The following MRC1 variants were observed in gnomAD, a reference collection of about 807,000 sequenced individuals.
The protein encoded by MRC1 is mannose receptor C-type 1.
Under a neutral mutation model 102.9 loss-of-function variants are expected in MRC1, and 62 were observed. The ratio of observed to expected loss-of-function variants is 0.60; its 90% CI spans 0.49 to 0.74. The LOEUF is 0.74. Among genes scored for constraint, MRC1 ranks in the 30% least tolerant of loss-of-function variants. The probability of loss-of-function intolerance (pLI) is 0.00; values close to 1 mark genes in which losing one functional copy is unlikely to be tolerated. For missense variants in MRC1, 1,237 were observed against 862.8 expected (o/e 1.43, Z -5.43); for synonymous variants, 457 against 298.4 (o/e 1.53, Z -5.48).
intron 4 of MRC1, among the ~76,000 whole-genome samples, chr10:17,838,556 TAAAAA>T (rs140577655): frequency 6.8e-6 from 1 of 147,346 alleles, no homozygotes; most frequent in African/African-American, 2.5e-5. Context: ...GGACCTCAAT[TAAAAA>T]AAAAAAAAGA....
At chr10:17,826,760 T>C (rs1351732601) in intron 2 of MRC1, among the ~76,000 whole-genome samples, 1 of 152,236 alleles carries the variant, frequency 6.6e-6, no homozygotes, top group African/African-American at 2.4e-5. Context: ...ACATTTCTAG[T>C]TGAACCCAGA....
At chr10:17,897,983 G>T in intron 23 of MRC1, 51 bp from the exon 24 acceptor site, 1 of 780,514 alleles carries the variant, frequency 1.3e-6, no homozygotes, top group East Asian at 2.4e-5. Context: ...TACTGATAAG[G>T]CTCAATTACT....
intron 1 of MRC1, among the ~76,000 whole-genome samples, chr10:17,813,323 A>G (rs1016520732): frequency 2.6e-5 from 4 of 152,168 alleles, no homozygotes; most frequent in Non-Finnish European, 5.9e-5. Context: ...CATAGACATC[A>G]CGCTAATGGT....
chr10:17,880,916 T>G, intron 20 of MRC1, 151 bp from the exon 21 acceptor site: 1 of 700,792 alleles, frequency 1.4e-6, no homozygotes, highest in Non-Finnish European at 2.6e-6. Flanking sequence ...GTCATAAAAC[T>G]AACAATTTTT....
chr10:17,862,888 G>A (rs1833204948), intron 10 of MRC1: 2 of 152,158 alleles, frequency 1.3e-5, no homozygotes, highest in South Asian at 4.1e-4. Context: ...AGTTTTCAGT[G>A]CCTTGTCAAC....
chr10:17,867,392 CT>C (rs1833291552), intron 12 of MRC1, among the ~76,000 whole-genome samples: 1 of 140,700 alleles, frequency 7.1e-6, no homozygotes, highest in African/African-American at 2.9e-5. Flanking sequence ...TCTTCTCCTT[CT>C]TCTCCTTCTT....
At chr10:17,909,284 A>AT (rs546931770) in intron 28 of MRC1, 22 bp from the exon 29 acceptor site, 134,323 of 715,046 alleles carry the variant, frequency 0.19, 2,674 homozygotes, top group Non-Finnish European at 0.23. Flanking sequence ...GTTTTTATAA[A>AT]TTTTTTTTTT....
rs2130676160 is a variant in MRC1 at position 17,870,830 on chromosome 10, A to G, written c.2112-18A>G. 11 of 872,174 alleles carry G rather than the reference A, an allele frequency of 1.3e-5. 1 individual carries two copies. Among genetic ancestry groups the G allele is most frequent in the South Asian group, 9.1e-5 (7 of 76,528 alleles). The allele number at this position is 872,174 out of a possible 1,614,324, so 54.0% of individuals were successfully genotyped here. A position where few individuals can be genotyped will look rare whatever the true frequency, so the allele number is the denominator to read the frequency against. On this transcript the variant is annotated intron_variant, in intron 13 of 29. Transcript: ENST00000569591. ...TCATGCAATAGCATATGCTTTCTTT[A>G]TGTTTTGGATTTCATAGAGCTAGTG...
In MRC1 at chr10:17,872,253, C is replaced by G. The variant is rs910421548; in HGVS notation, c.2344+127C>G. ...AAATCAGGAAACTGTCAGTGGCCAT[C>G]ATTGCATAGGATAAGCATGAAGTTG... On this transcript the variant is annotated intron_variant, in intron 15 of 29. Transcript: ENST00000569591. 223 of 768,740 alleles carry G rather than the reference C, an allele frequency of 2.9e-4. 1 individual carries two copies. In the African/African-American group the frequency reaches 3.3e-3, roughly 11 times the overall value. The allele number at this position is 768,740 out of a possible 1,614,324, so 47.6% of individuals were successfully genotyped here.
chr10:17,872,709 G>T (rs1210825213), intron 15 of MRC1, among the ~76,000 whole-genome samples: 3 of 152,116 alleles, frequency 2.0e-5, no homozygotes, highest in Admixed American at 6.6e-5. Flanking sequence ...CAAACAATAC[G>T]CATGCTGACA....
chr10:17,862,583 C>T (rs998072084), intron 10 of MRC1, among the ~76,000 whole-genome samples: 29 of 152,120 alleles, frequency 1.9e-4, no homozygotes, highest in African/African-American at 6.8e-4. Flanking sequence ...TATTTATACT[C>T]AGGAGTTCAC....
rs1398751607 is a variant in MRC1, at chr10:17,817,194, G to A, written c.62-5880G>A. On this transcript the variant is annotated intron_variant, in intron 1 of 29. Transcript: ENST00000569591. Reference sequence around the variant, plus strand: ...GAACCTGGGAGGCGGAGGTTGCAACGTGTTGAGATCACACCACTGCACTCC... The same window carrying A: ...GAACCTGGGAGGCGGAGGTTGCAACATGTTGAGATCACACCACTGCACTCC... Among the ~76,000 whole-genome samples the A allele has an allele frequency of 4.0e-5, 6 of 148,286 alleles. No homozygotes were observed. The East Asian group carries it at 6.0e-4, about 15-fold the overall frequency.
chr10:17,892,387 G>A (rs1193259273), intron 22 of MRC1, among the ~76,000 whole-genome samples: 2 of 152,160 alleles, frequency 1.3e-5, no homozygotes, highest in African/African-American at 4.8e-5. Flanking sequence ...CTCAATACTT[G>A]TTCCCTTTTT....
intron 1 of MRC1, among the ~76,000 whole-genome samples, chr10:17,816,925 A>G (rs1382497630): frequency 4.6e-5 from 7 of 152,190 alleles, no homozygotes; most frequent in Non-Finnish European, 1.0e-4. Flanking sequence ...TGACTTGTTC[A>G]ATGTTGCGGC....
intron 22 of MRC1, among the ~76,000 whole-genome samples, chr10:17,892,636 C>T (rs1435994550): frequency 5.3e-5 from 8 of 151,888 alleles, no homozygotes; most frequent in Non-Finnish European, 1.2e-4. Context: ...AAGTGTGCTC[C>T]TTTTTTTTGT....
intron 3 of MRC1, among the ~76,000 whole-genome samples, chr10:17,830,895 T>G (rs1384164916): frequency 6.6e-6 from 1 of 150,626 alleles, no homozygotes; most frequent in Non-Finnish European, 1.5e-5. Context: ...TATATATATA[T>G]ATATATTTTT....
intron 4 of MRC1, among the ~76,000 whole-genome samples, chr10:17,836,391 C>T (rs1838662358): frequency 6.6e-6 from 1 of 152,302 alleles, no homozygotes; most frequent in East Asian, 1.9e-4. Flanking sequence ...CAGAGTGATT[C>T]ATATTTACAA....
At position 17,910,425 on chromosome 10, in the gene MRC1, T is replaced by C. The variant is rs1373311891; in HGVS notation, c.4331T>C (p.Leu1444Pro). Reference protein sequence around the residue: ...SSPGTSDMKDLVGNIEQNEHS... With the variant: ...SSPGTSDMKDPVGNIEQNEHS... Reference sequence around the variant, plus strand: ...CCAGGAACTAGTGATATGAAAGATCTCGTGGGCAATATTGAACAGAATGAA... The same window carrying C: ...CCAGGAACTAGTGATATGAAAGATCCCGTGGGCAATATTGAACAGAATGAA... The change falls in exon 30 of 30, where the codon CTC (leucine) becomes CCC (proline). Residue 1444 changes from leucine (L) to proline (P), a missense_variant. Physicochemically the swap from Leu to Pro is moderately conservative, Grantham distance 98. Coordinates refer to ENST00000569591, the MANE Select transcript of MRC1 (RefSeq NM_002438.4). The C allele has an allele frequency of 2.7e-5, 21 of 780,724 alleles. No individual in the cohort carries two copies. Among genetic ancestry groups the C allele is most frequent in the Admixed American group, 8.5e-5 (5 of 59,008 alleles). The allele number at this position is 780,724 out of a possible 1,614,324, so 48.4% of individuals were successfully genotyped here. A position where few individuals can be genotyped will look rare whatever the true frequency, so the allele number is the denominator to read the frequency against.
intron 15 of MRC1, among the ~76,000 whole-genome samples, chr10:17,873,199 A>G (rs994529107): frequency 4.6e-5 from 7 of 152,218 alleles, no homozygotes; most frequent in African/African-American, 1.7e-4. Flanking sequence ...AAAATATTTC[A>G]TTTAACTTTT....
Sources: allele counts gnomAD v4.1 joint callset (sites outside exome capture counted in the v4.1 genomes callset), GRCh38; gene constraint gnomAD v4.1.1; transcripts MANE v1.5; gene names NCBI Gene and HGNC (gene_info 2026-07-23, HGNC 2026-07-21).